The following GINS1 variants were observed in gnomAD, a reference collection of about 807,000 sequenced individuals.
The protein encoded by GINS1 is GINS complex subunit 1.
GINS1 carries 26 observed loss-of-function variants against 34.9 expected under a neutral mutation model. The ratio of observed to expected loss-of-function variants is 0.74; its 90% confidence interval spans 0.55 to 1.03. The LOEUF (loss-of-function observed/expected upper bound fraction) is 1.03. Among genes scored for constraint, GINS1 ranks in the 50% least tolerant of loss-of-function variants. The probability of loss-of-function intolerance (pLI) is 0.00; values close to 1 mark genes in which losing one functional copy is unlikely to be tolerated. For missense variants in GINS1, 235 were observed against 237.9 expected (o/e 0.99, Z 0.08); for synonymous variants, 97 against 84.4 (o/e 1.15, Z -0.82).
intron 5 of GINS1, among the ~76,000 whole-genome samples, chr20:25,438,033 C>T (rs1261645251): frequency 1.3e-5 from 2 of 150,384 alleles, no homozygotes; most frequent in Non-Finnish European, 2.9e-5. Flanking sequence ...GCGGGAGAAT[C>T]GCTTGAACCC....
chr20:25,424,694 T>G (rs982433796), intron 4 of GINS1, among the ~76,000 whole-genome samples: 4 of 152,196 alleles, frequency 2.6e-5, no homozygotes, highest in Non-Finnish European at 5.9e-5. Context: ...ATTTACCTAT[T>G]ACAGGTTTTT....
chr20:25,425,154 T>C (rs2090383453), intron 4 of GINS1, 57 bp from the exon 5 acceptor site: 2 of 777,638 alleles, frequency 2.6e-6, no homozygotes, highest in Admixed American at 1.9e-5. Context: ...ATGGATGATA[T>C]TCAGTGTGTG....
chr20:25,417,393 A>G, intron 3 of GINS1, 191 bp downstream of exon 3: 3 of 568,914 alleles, frequency 5.3e-6, no homozygotes, highest in Non-Finnish European at 9.2e-6. Context: ...AGGGAGAATA[A>G]TACTATAATG....
At chr20:25,445,773 G>T (rs527392736) in intron 6 of GINS1, 150 bp from the exon 7 acceptor site, 3 of 592,652 alleles carry the variant, frequency 5.1e-6, no homozygotes, top group Non-Finnish European at 9.0e-6. Context: ...ATGAGCCACC[G>T]TACCCAGCCC....
At chr20:25,425,845 A>T (rs1195256747) in intron 5 of GINS1, among the ~76,000 whole-genome samples, 1 of 152,224 alleles carries the variant, frequency 6.6e-6, no homozygotes, top group Non-Finnish European at 1.5e-5. Flanking sequence ...AATAAAATAC[A>T]TATAAAATCT....
chr20:25,422,851 A>G (rs1218573880), intron 4 of GINS1, among the ~76,000 whole-genome samples: 1 of 150,978 alleles, frequency 6.6e-6, no homozygotes, highest in Non-Finnish European at 1.5e-5. Flanking sequence ...ATCTTGGCTG[A>G]CCGCAACCCC....
intron 2 of GINS1, among the ~76,000 whole-genome samples, chr20:25,414,851 G>C (rs2090310154): frequency 6.6e-6 from 1 of 152,184 alleles, no homozygotes; most frequent in Non-Finnish European, 1.5e-5. Context: ...AGTGATTTCT[G>C]ATAGTTTGAG....
intron 6 of GINS1, among the ~76,000 whole-genome samples, chr20:25,445,348 ATT>A (rs61186516): frequency 6.5e-5 from 9 of 138,286 alleles, no homozygotes; most frequent in Admixed American, 2.2e-4. Flanking sequence ...CGCCTGGCTA[ATT>A]TTTTTTTTTT....
intron 5 of GINS1, among the ~76,000 whole-genome samples, chr20:25,432,545 C>T (rs1446974739): frequency 6.6e-6 from 1 of 152,144 alleles, no homozygotes; most frequent in Non-Finnish European, 1.5e-5. Context: ...TGGCTCACTA[C>T]AACCTCCATC....
chr20:25,442,326 A>G (rs1438372145), intron 6 of GINS1, among the ~76,000 whole-genome samples: 5 of 121,968 alleles, frequency 4.1e-5, no homozygotes, highest in Admixed American at 1.6e-4. Context: ...ATCTTTATCC[A>G]TCTATCTATC....
intron 6 of GINS1, among the ~76,000 whole-genome samples, 165 bp from the exon 7 acceptor site, chr20:25,445,758 C>T (rs2090508714): frequency 6.6e-6 from 1 of 152,208 alleles, no homozygotes; most frequent in Admixed American, 6.5e-5. Context: ...GCTGGGATTT[C>T]AGGCATGAGC....
At chr20:25,429,711 T>C (rs568838081) in intron 5 of GINS1, among the ~76,000 whole-genome samples, 2 of 152,318 alleles carry the variant, frequency 1.3e-5, no homozygotes, top group East Asian at 3.9e-4. Context: ...TTCTAAAAGT[T>C]TTTTGTGGAA....
intron 2 of GINS1, among the ~76,000 whole-genome samples, chr20:25,416,296 G>A (rs891035883): frequency 3.3e-5 from 5 of 152,218 alleles, no homozygotes; most frequent in South Asian, 4.2e-4. Flanking sequence ...TATGCCATTC[G>A]CAAATTCATG....
At chr20:25,413,539 G>A in intron 1 of GINS1, 1 of 451,618 alleles carries the variant, frequency 2.2e-6, no homozygotes, top group East Asian at 3.6e-5. Context: ...AATTCTGTGT[G>A]TAGCTTTTGA....
intron 5 of GINS1, among the ~76,000 whole-genome samples, chr20:25,432,759 A>C (rs1431874916): frequency 1.3e-5 from 2 of 151,592 alleles, no homozygotes; most frequent in Non-Finnish European, 2.9e-5. Flanking sequence ...GAGCCACCAC[A>C]ACTGGCAGAT....
At chr20:25,427,028 A>T (rs904647245) in intron 5 of GINS1, among the ~76,000 whole-genome samples, 2 of 152,096 alleles carry the variant, frequency 1.3e-5, no homozygotes, top group African/African-American at 4.8e-5. Flanking sequence ...CCAGAGTGGA[A>T]TTACTAGATC....
intron 1 of GINS1, 121 bp downstream of exon 1, chr20:25,408,016 G>C (rs955027693): frequency 1.4e-6 from 1 of 714,736 alleles, no homozygotes; most frequent in Non-Finnish European, 2.5e-6. Context: ...GGAAAACTTG[G>C]GAAGCAGCAA....
At chr20:25,435,085 A>G (rs1300540381) in intron 5 of GINS1, among the ~76,000 whole-genome samples, 1 of 152,202 alleles carries the variant, frequency 6.6e-6, no homozygotes, top group Non-Finnish European at 1.5e-5. Context: ...CATAGCATTT[A>G]CCTATATTGA....
chr20:25,422,796 C>T (rs549191822), intron 4 of GINS1, among the ~76,000 whole-genome samples: 4 of 152,214 alleles, frequency 2.6e-5, no homozygotes, highest in East Asian at 1.9e-4. Context: ...TTTGTTTAGA[C>T]GGAGTTTTTT....
Sources: gnomAD v4.1 joint callset for allele counts (sites outside exome capture counted in the v4.1 genomes callset) on GRCh38, gnomAD v4.1.1 for gene constraint, MANE v1.5 for transcripts, NCBI Gene and HGNC (gene_info 2026-07-23, HGNC 2026-07-21) for gene names.